The following MITF variants were observed in gnomAD, a reference collection of about 807,000 sequenced individuals.
MITF encodes the protein melanocyte inducing transcription factor, also known as microphthalmia-associated transcription factor.
A neutral mutation model predicts 60.5 loss-of-function variants in MITF; 17 were observed. The ratio of observed to expected loss-of-function variants is 0.28; its 90% CI spans 0.19 to 0.42. The LOEUF (loss-of-function observed/expected upper bound fraction) is 0.42, where lower values mean the gene tolerates loss of function less well. Among genes scored for constraint, MITF ranks in the 10% least tolerant of loss-of-function variants. The probability of loss-of-function intolerance (pLI) is 1.00; values close to 1 mark genes in which losing one functional copy is unlikely to be tolerated. For missense variants in MITF, 622 were observed against 683.5 expected, an observed-to-expected ratio of 0.91 and a Z score of 1.00; for synonymous variants, 260 against 248.5, an observed-to-expected ratio of 1.05 and a Z score of -0.43.
intron 1 of MITF, among the ~76,000 whole-genome samples, chr3:69,802,384 C>T (rs1307875886): frequency 2.6e-5 from 4 of 152,160 alleles, no homozygotes; most frequent in Admixed American, 6.5e-5. Context: ...TTTTCTGATT[C>T]GTGCGTTTAG....
chr3:69,954,392 G>A (rs1167412773), intron 7 of MITF, among the ~76,000 whole-genome samples: 1 of 152,178 alleles, frequency 6.6e-6, no homozygotes, highest in African/African-American at 2.4e-5. Flanking sequence ...GGGCAGGCAA[G>A]GGAGTATAGT....
At chr3:69,806,236 C>G (rs1328799307) in intron 1 of MITF, among the ~76,000 whole-genome samples, 1 of 151,786 alleles carries the variant, frequency 6.6e-6, no homozygotes, top group Non-Finnish European at 1.5e-5. Context: ...AGGTACCCAC[C>G]ACTATGCCTG....
intron 8 of MITF, 46 bp downstream of exon 8, chr3:69,956,576 T>A (rs1385553506): frequency 6.7e-7 from 1 of 1,483,530 alleles, no homozygotes; most frequent in South Asian, 1.1e-5. Context: ...TTTTCGTACC[T>A]GAATGTTTTT....
intron 1 of MITF, among the ~76,000 whole-genome samples, chr3:69,833,994 A>T (rs945266080): frequency 3.9e-5 from 6 of 152,236 alleles, no homozygotes; most frequent in African/African-American, 1.4e-4. Flanking sequence ...ATTGTGACTC[A>T]AAACAAATAT....
intron 7 of MITF, 149 bp from the exon 8 acceptor site, chr3:69,956,306 C>G: frequency 1.4e-6 from 1 of 704,868 alleles, no homozygotes; most frequent in Admixed American, 2.1e-5. Context: ...ACTGCAATAC[C>G]AAGAACATAG....
At chr3:69,961,838 CA>C in intron 9 of MITF, among the ~76,000 whole-genome samples, 1 of 152,152 alleles carries the variant, frequency 6.6e-6, no homozygotes, top group Non-Finnish European at 1.5e-5. Flanking sequence ...TTTAGGGTTC[CA>C]AACATGTATA....
chr3:69,753,683 G>A (rs1362510777), intron 1 of MITF, among the ~76,000 whole-genome samples: 1 of 151,982 alleles, frequency 6.6e-6, no homozygotes, highest in African/African-American at 2.4e-5. Context: ...TAGAGTCAAA[G>A]GAGATTATTT....
At chr3:69,898,180 A>G (rs1319533075) in intron 2 of MITF, among the ~76,000 whole-genome samples, 2 of 152,258 alleles carry the variant, frequency 1.3e-5, no homozygotes, top group Non-Finnish European at 2.9e-5. Flanking sequence ...TAAAGAGTCC[A>G]AGAAGTCTTT....
At chr3:69,811,943 C>T (rs568630569) in intron 1 of MITF, among the ~76,000 whole-genome samples, 14 of 152,314 alleles carry the variant, frequency 9.2e-5, no homozygotes, top group Admixed American at 6.5e-4. Context: ...TTCCAGTCCT[C>T]AGGGCCCCAC....
At chr3:69,863,206 T>G (rs1211392837) in intron 1 of MITF, among the ~76,000 whole-genome samples, 1 of 152,148 alleles carries the variant, frequency 6.6e-6, no homozygotes, top group Non-Finnish European at 1.5e-5. Context: ...CCAGAAGACA[T>G]GTGTTCGTTA....
At chr3:69,913,256 T>G (rs1033835630) in intron 2 of MITF, among the ~76,000 whole-genome samples, 2 of 152,068 alleles carry the variant, frequency 1.3e-5, no homozygotes, top group Non-Finnish European at 2.9e-5. Flanking sequence ...GAGTGGGGGC[T>G]TTTTGTATTT....
intron 2 of MITF, among the ~76,000 whole-genome samples, chr3:69,900,088 A>C (rs1045668929): frequency 1.3e-5 from 2 of 152,088 alleles, no homozygotes; most frequent in Non-Finnish European, 2.9e-5. Flanking sequence ...TATTAGGAGG[A>C]CTTGATTTCT....
At chr3:69,854,456 G>T (rs1210941968) in intron 1 of MITF, among the ~76,000 whole-genome samples, 1 of 152,024 alleles carries the variant, frequency 6.6e-6, no homozygotes, top group Non-Finnish European at 1.5e-5. Context: ...TCTAATACCT[G>T]GTACAACATA....
At chr3:69,891,567 A>G (rs2064760594) in intron 2 of MITF, among the ~76,000 whole-genome samples, 1 of 152,240 alleles carries the variant, frequency 6.6e-6, no homozygotes, top group Admixed American at 6.5e-5. Flanking sequence ...GCCTTCTGAA[A>G]GATTCTAAAG....
intron 2 of MITF, among the ~76,000 whole-genome samples, chr3:69,881,914 G>A (rs750912108): frequency 6.6e-6 from 1 of 152,110 alleles, no homozygotes; most frequent in Non-Finnish European, 1.5e-5. Context: ...CTTCTCAGTG[G>A]AGGTAGATGT....
At chr3:69,860,645 A>G (rs1047590837) in intron 1 of MITF, among the ~76,000 whole-genome samples, 1 of 151,240 alleles carries the variant, frequency 6.6e-6, no homozygotes, top group African/African-American at 2.4e-5. Flanking sequence ...AGAATTTGAG[A>G]TGCCTCTTTG....
At chr3:69,874,584 G>T (rs147263932) in intron 1 of MITF, among the ~76,000 whole-genome samples, 4 of 152,306 alleles carry the variant, frequency 2.6e-5, no homozygotes, top group African/African-American at 9.6e-5. Context: ...ACAAGTTACC[G>T]CACAGCCCAG....
At chr3:69,856,522 C>T (rs967750123) in intron 1 of MITF, among the ~76,000 whole-genome samples, 2 of 152,034 alleles carry the variant, frequency 1.3e-5, no homozygotes, top group African/African-American at 4.8e-5. Flanking sequence ...TTGAAAGGGC[C>T]CTTCTCACTG....
chr3:69,863,770 T>G (rs2107220236), intron 1 of MITF, among the ~76,000 whole-genome samples: 1 of 152,284 alleles, frequency 6.6e-6, no homozygotes, highest in African/African-American at 2.4e-5. Context: ...CTCCATTGCC[T>G]GGGCTGGTCT....
Sources: gnomAD v4.1 joint callset for allele counts (sites outside exome capture counted in the v4.1 genomes callset) on GRCh38, gnomAD v4.1.1 for gene constraint, MANE v1.5 for transcripts, NCBI Gene and HGNC (gene_info 2026-07-23, HGNC 2026-07-21) for gene names.